AIMP1: variants seen among roughly 807,000 people sequenced by gnomAD.
AIMP1 encodes the protein aminoacyl tRNA synthetase complex interacting multifunctional protein 1.
In AIMP1, 24 loss-of-function variants were observed where a neutral mutation model predicts 33.1. That is an observed-to-expected ratio of 0.73 (90% CI 0.53 to 1.02). The LOEUF is 1.02. AIMP1 is among the 50% of genes least tolerant of loss of function. The probability of loss-of-function intolerance (pLI) is 0.00; values close to 1 mark genes in which losing one functional copy is unlikely to be tolerated. For synonymous variants in AIMP1, 120 were observed against 121.5 expected (o/e 0.99, Z 0.08); for missense variants, 367 against 364.8 (o/e 1.01, Z -0.05).
At chr4:106,337,870 C>T (rs1405013055) in intron 6 of AIMP1, among the ~76,000 whole-genome samples, 11 of 152,164 alleles carry the variant, frequency 7.2e-5, no homozygotes, top group East Asian at 5.8e-4. Context: ...GATAGTGATA[C>T]GGACAATACA....
rs1281960644 is a variant in AIMP1, at chr4:106,348,629, T to C, written c.*937T>C. ...GCTATTCTCACTCATCTTACAAATA[T>C]TGTAAGAGCAATAAAAATTAATTGA... On this transcript the variant is annotated 3_prime_UTR_variant, in exon 7 of 7. Transcript: ENST00000672341. The C allele has an allele frequency of 1.3e-5, 2 of 152,094 alleles. No individual in the cohort carries two copies. The highest frequency in any genetic ancestry group is 2.9e-5 in the Non-Finnish European group (2 of 68,018). The allele number at this position is 152,094 out of a possible 1,614,324, so 9.4% of individuals were successfully genotyped here.
At chr4:106,316,371 G>GA (rs1488417649), upstream of AIMP1, 4 of 628,580 alleles carry the variant, frequency 6.4e-6, no homozygotes, top group Non-Finnish European at 1.1e-5. Flanking sequence ...GGGGTCGATT[G>GA]AAAATACTGG....
intron 1 of AIMP1, 188 bp downstream of exon 1, chr4:106,316,782 A>G: frequency 1.9e-6 from 1 of 539,888 alleles, no homozygotes; most frequent in South Asian, 2.8e-5. Flanking sequence ...TAAAGGAGCC[A>G]CGTTTGAGAA....
At chr4:106,339,804 T>C (rs537005419) in intron 6 of AIMP1, among the ~76,000 whole-genome samples, 60 of 152,098 alleles carry the variant, frequency 3.9e-4, no homozygotes, top group Non-Finnish European at 6.3e-4. Flanking sequence ...TTTATAATTA[T>C]AAATTCCATC....
intron 5 of AIMP1, among the ~76,000 whole-genome samples, chr4:106,336,633 C>G (rs1007083439): frequency 6.6e-6 from 1 of 152,136 alleles, no homozygotes; most frequent in Non-Finnish European, 1.5e-5. Context: ...AAATTTTTAA[C>G]TGAAATTCCT....
chr4:106,325,220 A>G, intron 2 of AIMP1, 102 bp downstream of exon 2: 1 of 1,155,086 alleles, frequency 8.7e-7, no homozygotes. Flanking sequence ...AGTTTTACTT[A>G]GAAGTTTCTG....
chr4:106,331,347 T>C (rs1037885900), intron 4 of AIMP1, among the ~76,000 whole-genome samples: 1 of 152,202 alleles, frequency 6.6e-6, no homozygotes, highest in Non-Finnish European at 1.5e-5. Flanking sequence ...ATAGATGATA[T>C]GTAAATGAAT....
At chr4:106,331,482 C>G (rs1332093846) in intron 4 of AIMP1, among the ~76,000 whole-genome samples, 190 bp from the exon 5 acceptor site, 1 of 152,148 alleles carries the variant, frequency 6.6e-6, no homozygotes, top group Non-Finnish European at 1.5e-5. Flanking sequence ...AGAGAAATAG[C>G]TAAAATAGGA....
At chr4:106,334,002 T>C (rs1286601879) in intron 5 of AIMP1, among the ~76,000 whole-genome samples, 2 of 152,206 alleles carry the variant, frequency 1.3e-5, no homozygotes, top group Admixed American at 6.5e-5. Context: ...TTAAATGTCC[T>C]CTTTCTAGAT....
At chr4:106,342,559 A>G (rs1357572272) in intron 6 of AIMP1, among the ~76,000 whole-genome samples, 1 of 152,148 alleles carries the variant, frequency 6.6e-6, no homozygotes, top group Non-Finnish European at 1.5e-5. Context: ...TTTTGGTCTT[A>G]ATTCTATTTA....
chr4:106,345,829 A>T (rs1450243273), intron 6 of AIMP1, among the ~76,000 whole-genome samples: 1 of 149,160 alleles, frequency 6.7e-6, no homozygotes, highest in Non-Finnish European at 1.5e-5. Flanking sequence ...ATATAATAAG[A>T]TGTCATCAGA....
chr4:106,332,508 T>A (rs1248133250), intron 5 of AIMP1, among the ~76,000 whole-genome samples: 1 of 151,448 alleles, frequency 6.6e-6, no homozygotes, highest in Non-Finnish European at 1.5e-5. Flanking sequence ...TTTCACATGC[T>A]ATTTTATTTC....
At chr4:106,344,109 C>T (rs1770202505) in intron 6 of AIMP1, among the ~76,000 whole-genome samples, 1 of 152,130 alleles carries the variant, frequency 6.6e-6, no homozygotes. Context: ...ACCACACTCT[C>T]CTGGTGGTCC....
intron 6 of AIMP1, among the ~76,000 whole-genome samples, chr4:106,341,897 A>T (rs1770112593): frequency 6.6e-6 from 1 of 152,166 alleles, no homozygotes; most frequent in Non-Finnish European, 1.5e-5. Context: ...AGGCAATTTT[A>T]ACAATACTGA....
In AIMP1 at chr4:106,342,203, G is replaced by GT. The variant is rs1025952462; in HGVS notation, c.772+5172dup. 2.0e-5 allele frequency among the ~76,000 whole-genome samples: 3 copies of GT among 152,136 alleles called. No homozygotes were observed. In the South Asian group the frequency reaches 6.2e-4, roughly 31 times the overall value. ...GGAGCCTTTTGGCAGAGTCTGTAGG[G>GT]TTTTTTAGGTACAGAATCATAAATC... On this transcript the variant is annotated intron_variant, in intron 6 of 6. Transcript: ENST00000672341.
At chr4:106,319,294 G>A (rs185725743) in intron 1 of AIMP1, among the ~76,000 whole-genome samples, 1 of 152,210 alleles carries the variant, frequency 6.6e-6, no homozygotes, top group East Asian at 1.9e-4. Flanking sequence ...TGGGTGGGGA[G>A]GACTACTGAG....
Position 106,316,717 on chromosome 4 carries a change from C to A in AIMP1, c.-26+123C>A, listed in dbSNP as rs1768927993. ...CTGCGCTGCTAATGGGTAGTCCGTT[C>A]GCAGCAGGACCAGCCCTGGCCTAAG... is the stretch of plus-strand genomic sequence containing the variant. On this transcript the variant is annotated intron_variant, in intron 1 of 6. Transcript: ENST00000672341. The A allele has an allele frequency of 4.5e-6, 4 of 882,164 alleles. No homozygotes were observed. In the East Asian group the frequency reaches 8.1e-5, roughly 18 times the overall value. 54.6% of individuals were successfully genotyped at this position (882,164 alleles called of 1,614,324 possible). A position where few individuals can be genotyped will look rare whatever the true frequency, so the allele number is the denominator to read the frequency against.
intron 2 of AIMP1, 73 bp from the exon 3 acceptor site, chr4:106,327,378 G>C: frequency 8.9e-7 from 1 of 1,118,498 alleles, no homozygotes; most frequent in East Asian, 2.4e-5. Flanking sequence ...TATACTGGCT[G>C]TCTTCTTTTC....
chr4:106,326,409 A>G (rs1262446239), intron 2 of AIMP1, among the ~76,000 whole-genome samples: 2 of 152,206 alleles, frequency 1.3e-5, no homozygotes, highest in Non-Finnish European at 2.9e-5. Context: ...CTTCTGCCCA[A>G]TAAATGCCAG....
Sources: gnomAD v4.1 joint callset for allele counts (sites outside exome capture counted in the v4.1 genomes callset) on GRCh38, gnomAD v4.1.1 for gene constraint, MANE v1.5 for transcripts, NCBI Gene and HGNC (gene_info 2026-07-23, HGNC 2026-07-21) for gene names.